STON2: variants seen among roughly 807,000 people sequenced by gnomAD.
STON2 encodes the protein stonin-2.
In STON2, 29 loss-of-function variants were observed where a neutral mutation model predicts 65.7. The observed-to-expected ratio is 0.44, with a 90% CI of 0.33 to 0.60. STON2 has a LOEUF of 0.60. Ranked by LOEUF, STON2 falls within the 20% of genes least tolerant of loss-of-function variation. The probability of loss-of-function intolerance (pLI) is 0.03; values close to 1 mark genes in which losing one functional copy is unlikely to be tolerated. For missense variants in STON2, 1,054 were observed against 1,118.1 expected (o/e 0.94, Z 0.82); for synonymous variants, 404 against 414.2 (o/e 0.98, Z 0.30).
chr14:81,308,822 A>G (rs963894922), intron 5 of STON2, among the ~76,000 whole-genome samples: 45 of 8,650 alleles, frequency 5.2e-3, no homozygotes, highest in African/African-American at 9.1e-3. Flanking sequence ...ATATATATAT[A>G]TATGTGTGTG....
intron 5 of STON2, chr14:81,323,731 A>C (rs1284225821): frequency 6.6e-6 from 1 of 152,158 alleles, no homozygotes; most frequent in African/African-American, 2.4e-5. Flanking sequence ...TAAGCAATGT[A>C]GTTTTTTGTT....
Position 81,264,512 on chromosome 14 carries a change from G to A in STON2, c.*3902C>T, listed in dbSNP as rs1378308740. On this transcript the variant is annotated 3_prime_UTR_variant, in exon 8 of 8. Transcript: ENST00000614646. ...GTGGCTGAACCCTATTATATTCCAA[G>A]CTTTGTGCTAGGTGTTGGAAACACA... 1.0e-6 allele frequency: 1 copy of A among 985,238 alleles called. No individual in the cohort carries two copies. Among genetic ancestry groups the A allele is most frequent in the African/African-American group, 1.7e-5 (1 of 57,350 alleles). 61.0% of individuals were successfully genotyped at this position (985,238 alleles called of 1,614,324 possible).
At chr14:81,422,437 A>G (rs186561585) in intron 2 of STON2, among the ~76,000 whole-genome samples, 2 of 152,292 alleles carry the variant, frequency 1.3e-5, no homozygotes, top group Admixed American at 1.3e-4. Context: ...CAGAACTATG[A>G]GCCAAATAAA....
At chr14:81,374,637 A>C (rs990907985) in intron 3 of STON2, among the ~76,000 whole-genome samples, 1 of 152,128 alleles carries the variant, frequency 6.6e-6, no homozygotes, top group Non-Finnish European at 1.5e-5. Context: ...AGAACTAAAT[A>C]AACTTCCAGA....
chr14:81,419,727 T>C (rs1337508802), intron 2 of STON2, among the ~76,000 whole-genome samples: 1 of 152,212 alleles, frequency 6.6e-6, no homozygotes, highest in Non-Finnish European at 1.5e-5. Flanking sequence ...AGGGAAATAA[T>C]GGCAGGTGTG....
intron 4 of STON2, among the ~76,000 whole-genome samples, chr14:81,326,690 A>C (rs1261311198): frequency 6.6e-6 from 1 of 152,214 alleles, no homozygotes; most frequent in Non-Finnish European, 1.5e-5. Context: ...CATTTGAGGA[A>C]TGATTTGACT....
chr14:81,281,265 A>C (rs1454479111), intron 5 of STON2, among the ~76,000 whole-genome samples: 1 of 152,228 alleles, frequency 6.6e-6, no homozygotes, highest in African/African-American at 2.4e-5. Context: ...GTCAGGAAAC[A>C]ACCTACACTT....
chr14:81,283,705 A>T (rs1895221306), intron 5 of STON2, among the ~76,000 whole-genome samples: 1 of 151,830 alleles, frequency 6.6e-6, no homozygotes, highest in African/African-American at 2.4e-5. Flanking sequence ...TAATTTTTGT[A>T]TTTTTAGTAG....
chr14:81,415,099 G>C (rs1385564690), intron 2 of STON2, among the ~76,000 whole-genome samples: 4 of 152,104 alleles, frequency 2.6e-5, no homozygotes, highest in African/African-American at 9.7e-5. Flanking sequence ...AGCAGCTGGA[G>C]TGGCTCTCAC....
chr14:81,356,652 T>A (rs1185349460), intron 4 of STON2, among the ~76,000 whole-genome samples: 4 of 152,180 alleles, frequency 2.6e-5, no homozygotes, highest in Admixed American at 2.6e-4. Context: ...CTCTTTTTGG[T>A]TGGTAAGCTA....
chr14:81,356,106 C>G (rs1220499585), intron 4 of STON2, among the ~76,000 whole-genome samples: 1 of 152,164 alleles, frequency 6.6e-6, no homozygotes, highest in African/African-American at 2.4e-5. Context: ...GGGAATGCTT[C>G]CAGTTCTTGC....
chr14:81,323,316 T>C (rs1896887001), intron 5 of STON2, among the ~76,000 whole-genome samples: 1 of 152,184 alleles, frequency 6.6e-6, no homozygotes, highest in Non-Finnish European at 1.5e-5. Flanking sequence ...CAAAACCTGC[T>C]TCCCAGCCTC....
At chr14:81,435,670 C>A (rs1452801541) in intron 1 of STON2, among the ~76,000 whole-genome samples, 2 of 151,930 alleles carry the variant, frequency 1.3e-5, no homozygotes, top group African/African-American at 4.8e-5. Context: ...CACACGGACG[C>A]GCACACACAC....
upstream of STON2, among the ~76,000 whole-genome samples, chr14:81,400,392 G>C (rs572189485): frequency 6.8e-6 from 1 of 147,386 alleles, no homozygotes; most frequent in African/African-American, 2.5e-5. Context: ...TAATGGCTGC[G>C]GGCCAAGATA....
chr14:81,342,744 C>T (rs374327974), intron 4 of STON2, among the ~76,000 whole-genome samples: 6 of 151,948 alleles, frequency 3.9e-5, no homozygotes, highest in East Asian at 3.9e-4. Flanking sequence ...CCTGGAGTCC[C>T]GGGTACATGA....
intron 5 of STON2, among the ~76,000 whole-genome samples, chr14:81,310,931 A>G (rs1483275557): frequency 6.6e-6 from 1 of 152,152 alleles, no homozygotes; most frequent in Non-Finnish European, 1.5e-5. Context: ...TTTTCTCTAA[A>G]TGCAAAGGAT....
At chr14:81,384,917 T>G (rs780625311) in intron 3 of STON2, among the ~76,000 whole-genome samples, 1 of 152,228 alleles carries the variant, frequency 6.6e-6, no homozygotes, top group South Asian at 2.1e-4. Flanking sequence ...TTCTTTTATC[T>G]GTGGCTCCTC....
chr14:81,392,886 C>T (rs915804162), intron 3 of STON2, among the ~76,000 whole-genome samples: 1 of 152,088 alleles, frequency 6.6e-6, no homozygotes, highest in Non-Finnish European at 1.5e-5. Context: ...TGTGAGTAGA[C>T]AATGGCCAAA....
Position 81,365,275 on chromosome 14 carries a change from G to C in STON2, c.571+5713C>G, listed in dbSNP as rs148578721. ...TCTCTTCTTCAGTCTCGTGAACCTG[G>C]TGCCATCCCCACTAGAGTTGACAGG... On this transcript the variant is annotated intron_variant, in intron 4 of 7. Transcript: ENST00000614646. 8.7e-4 allele frequency among the ~76,000 whole-genome samples: 132 copies of C among 152,206 alleles called. 3 individuals are homozygous for C. Among genetic ancestry groups the C allele is most frequent in the African/African-American group, 3.0e-3 (123 of 41,538 alleles).
Sources: allele counts gnomAD v4.1 joint callset (sites outside exome capture counted in the v4.1 genomes callset), GRCh38; gene constraint gnomAD v4.1.1; transcripts MANE v1.5; gene names NCBI Gene and HGNC (gene_info 2026-07-23, HGNC 2026-07-21).